TENM3: variants seen among roughly 807,000 people sequenced by gnomAD.
TENM3 encodes teneurin-3.
TENM3 carries 63 observed loss-of-function variants against 255.1 expected under a neutral mutation model. The observed-to-expected ratio is 0.25, with a 90% CI of 0.20 to 0.30. The LOEUF (loss-of-function observed/expected upper bound fraction) is 0.30, where lower values mean the gene tolerates loss of function less well. TENM3 is among the 10% of genes least tolerant of loss of function. The pLI, the probability that TENM3 is intolerant of heterozygous loss-of-function variation, is 1.00. For missense variants in TENM3, 2,929 were observed against 3,461.1 expected (o/e 0.85, Z 3.86); for synonymous variants, 1,306 against 1,322.3 (o/e 0.99, Z 0.27).
chr4:182,684,402 G>A (rs1756406714), intron 11 of TENM3, among the ~76,000 whole-genome samples: 1 of 115,578 alleles, frequency 8.7e-6, no homozygotes, highest in Admixed American at 1.2e-4. Flanking sequence ...CTCAGACACT[G>A]AACTGCCTGG....
chr4:182,293,612 A>T (rs1761264695), intron 1 of TENM3, among the ~76,000 whole-genome samples: 1 of 152,166 alleles, frequency 6.6e-6, no homozygotes, highest in Non-Finnish European at 1.5e-5. Context: ...AATGGTGCTG[A>T]TTATCAGTGG....
At chr4:182,437,723 A>G (rs1168118718) in intron 3 of TENM3, among the ~76,000 whole-genome samples, 1 of 151,878 alleles carries the variant, frequency 6.6e-6, no homozygotes, top group Non-Finnish European at 1.5e-5. Flanking sequence ...ACTTGAACCC[A>G]GGAGGCAGAG....
chr4:182,372,891 G>T (rs1381145781), intron 3 of TENM3, among the ~76,000 whole-genome samples: 1 of 151,972 alleles, frequency 6.6e-6, no homozygotes, highest in Non-Finnish European at 1.5e-5. Flanking sequence ...ACCACACCTG[G>T]TTATTTTATT....
chr4:182,744,310 A>T, intron 19 of TENM3: 1 of 337,526 alleles, frequency 3.0e-6, no homozygotes, highest in Non-Finnish European at 4.2e-6. Context: ...AAAAGTGCTT[A>T]ATTGAACAAT....
intron 7 of TENM3, among the ~76,000 whole-genome samples, chr4:182,676,373 T>G (rs1322449978): frequency 6.6e-6 from 1 of 152,196 alleles, no homozygotes; most frequent in African/African-American, 2.4e-5. Flanking sequence ...GTTGGAAGCC[T>G]GAGTTCTAGC....
the TENM3 span, among the ~76,000 whole-genome samples, chr4:182,045,851 C>T: frequency 6.6e-6 from 1 of 152,044 alleles, no homozygotes; most frequent in African/African-American, 2.4e-5. Context: ...GAGTTTGAGA[C>T]CATCCGGGTT....
chr4:182,361,560 T>C (rs1765983752), intron 3 of TENM3, among the ~76,000 whole-genome samples: 1 of 152,176 alleles, frequency 6.6e-6, no homozygotes, highest in African/African-American at 2.4e-5. Context: ...AGCCTTGGCT[T>C]TCAGCTCCAT....
At chr4:181,928,859 G>C in the TENM3 span, among the ~76,000 whole-genome samples, 3 of 152,172 alleles carry the variant, frequency 2.0e-5, no homozygotes, top group African/African-American at 7.2e-5. Flanking sequence ...AGCCAAAAGA[G>C]AGTGGGGGCC....
At chr4:181,949,225 C>A in the TENM3 span, among the ~76,000 whole-genome samples, 1 of 152,144 alleles carries the variant, frequency 6.6e-6, no homozygotes. Flanking sequence ...ATGAGCAATT[C>A]CTCAAATGAA....
chr4:181,980,796 A>G, the TENM3 span, among the ~76,000 whole-genome samples: 1 of 152,154 alleles, frequency 6.6e-6, no homozygotes, highest in Non-Finnish European at 1.5e-5. Context: ...ATTTAAGACA[A>G]CATTTGGTTT....
intron 3 of TENM3, among the ~76,000 whole-genome samples, chr4:182,368,513 C>G (rs1235920493): frequency 6.6e-6 from 1 of 152,084 alleles, no homozygotes; most frequent in Non-Finnish European, 1.5e-5. Flanking sequence ...AACTAACTTC[C>G]TTAGTTGCTA....
intron 1 of TENM3, among the ~76,000 whole-genome samples, chr4:182,206,722 G>C (rs750222483): frequency 3.9e-5 from 6 of 152,162 alleles, no homozygotes; most frequent in Non-Finnish European, 7.3e-5. Context: ...TCATTCCAGA[G>C]TTTTTGTCCC....
chr4:181,642,575 GT>G, the TENM3 span, among the ~76,000 whole-genome samples: 1 of 152,034 alleles, frequency 6.6e-6, no homozygotes, highest in East Asian at 1.9e-4. Context: ...TATTGCCTAG[GT>G]TTTCTTCTAG....
the TENM3 span, among the ~76,000 whole-genome samples, chr4:182,111,666 C>T: frequency 6.6e-6 from 1 of 152,124 alleles, no homozygotes; most frequent in African/African-American, 2.4e-5. Flanking sequence ...TGGGATTCTG[C>T]CACCTAAGGC....
the TENM3 span, among the ~76,000 whole-genome samples, chr4:181,533,430 G>A: frequency 4.6e-5 from 7 of 152,098 alleles, no homozygotes; most frequent in African/African-American, 1.7e-4. Context: ...GTGGACAGAA[G>A]GTCAACATTC....
chr4:182,203,641 CCT>C (rs770771862), intron 1 of TENM3, among the ~76,000 whole-genome samples: 1 of 152,146 alleles, frequency 6.6e-6, no homozygotes, highest in Non-Finnish European at 1.5e-5. Flanking sequence ...CTGTATCCTC[CCT>C]CTTTCCCAAC....
Position 182,160,430 on chromosome 4 carries a change from G to A in TENM3, c.-76+15676G>A, listed in dbSNP as rs185217132. On this transcript the variant is annotated intron_variant, in intron 1 of 2. Transcript: ENST00000512480. ...CCAGAAAAATGTCTATGGAAATGTTGTGCCCAAATTTTACAATGTAAATTT... is the reference window on the plus strand; with the variant it reads ...CCAGAAAAATGTCTATGGAAATGTTATGCCCAAATTTTACAATGTAAATTT... Among the ~76,000 whole-genome samples the A allele has an allele frequency of 2.3e-3, 347 of 152,208 alleles. 2 individuals carry two copies. Among genetic ancestry groups the A allele is most frequent in the Non-Finnish European group, 3.7e-3 (249 of 68,020 alleles).
intron 19 of TENM3, among the ~76,000 whole-genome samples, chr4:182,747,848 CT>C (rs1190789096): frequency 6.6e-6 from 1 of 152,158 alleles, no homozygotes; most frequent in East Asian, 1.9e-4. Context: ...CCCCAAGTCC[CT>C]GCTTGCAATA....
the TENM3 span, among the ~76,000 whole-genome samples, chr4:181,778,190 C>A: frequency 2.0e-5 from 3 of 151,950 alleles, no homozygotes; most frequent in Non-Finnish European, 4.4e-5. Flanking sequence ...CAATTTATAT[C>A]CCTGATGTAA....
Sources: gnomAD v4.1 joint callset for allele counts (sites outside exome capture counted in the v4.1 genomes callset) on GRCh38, gnomAD v4.1.1 for gene constraint, MANE v1.5 for transcripts, NCBI Gene and HGNC (gene_info 2026-07-23, HGNC 2026-07-21) for gene names.